KIF16B: variants seen among roughly 807,000 people sequenced by gnomAD.
KIF16B encodes the protein kinesin family member 16B.
KIF16B carries 98 observed loss-of-function variants against 156.3 expected under a neutral mutation model. That is an observed-to-expected ratio of 0.63 (90% CI 0.53 to 0.74). The LOEUF (loss-of-function observed/expected upper bound fraction) is 0.74, where lower values mean the gene tolerates loss of function less well. KIF16B is among the 30% of genes least tolerant of loss of function. The probability of loss-of-function intolerance (pLI) is 0.00; values close to 1 mark genes in which losing one functional copy is unlikely to be tolerated. For missense variants in KIF16B, 1,421 were observed against 1,606.5 expected, an observed-to-expected ratio of 0.88 and a Z score of 1.97; for synonymous variants, 564 against 583.7, an observed-to-expected ratio of 0.97 and a Z score of 0.49.
intron 21 of KIF16B, 30 bp from the exon 22 acceptor site, chr20:16,370,666 TA>T (rs758604969): frequency 1.3e-6 from 2 of 1,554,630 alleles, no homozygotes; most frequent in Admixed American, 4.1e-5. Flanking sequence ...CCCTCTATAT[TA>T]AATTATAGCA....
chr20:16,441,520 A>AAAAT (rs1371139063), intron 12 of KIF16B, among the ~76,000 whole-genome samples: 2 of 152,158 alleles, frequency 1.3e-5, no homozygotes, highest in African/African-American at 4.8e-5. Flanking sequence ...CTCCCGCTAG[A>AAAAT]CCAAGAAGCT....
At chr20:16,483,705 CCAA>C (rs1395120753) in intron 12 of KIF16B, among the ~76,000 whole-genome samples, 1 of 152,028 alleles carries the variant, frequency 6.6e-6, no homozygotes, top group East Asian at 1.9e-4. Flanking sequence ...TGAGTGGTGA[CCAA>C]CGTCAGAAAA....
intron 23 of KIF16B, among the ~76,000 whole-genome samples, chr20:16,347,021 C>T (rs1170626762): frequency 6.6e-6 from 1 of 152,098 alleles, no homozygotes; most frequent in African/African-American, 2.4e-5. Flanking sequence ...ACTTATTAGT[C>T]GTGTGATTTT....
intron 25 of KIF16B, among the ~76,000 whole-genome samples, chr20:16,297,677 CAG>C (rs1011003598): frequency 7.4e-6 from 1 of 135,280 alleles, no homozygotes; most frequent in Admixed American, 8.2e-5. Flanking sequence ...GCCTGGGCGA[CAG>C]AGTGAGACTC....
intron 15 of KIF16B, among the ~76,000 whole-genome samples, chr20:16,421,844 C>T (rs1297252025): frequency 6.6e-6 from 1 of 152,054 alleles, no homozygotes; most frequent in Admixed American, 6.6e-5. Context: ...AGCAGAATGC[C>T]AGAGGAACTC....
intron 12 of KIF16B, among the ~76,000 whole-genome samples, chr20:16,434,625 G>A (rs1324019074): frequency 6.6e-6 from 1 of 152,290 alleles, no homozygotes; most frequent in Non-Finnish European, 1.5e-5. Context: ...TAAGAATTGC[G>A]TGTCTTCACA....
intron 10 of KIF16B, among the ~76,000 whole-genome samples, chr20:16,502,344 C>T (rs1160283328): frequency 1.3e-5 from 2 of 152,252 alleles, no homozygotes; most frequent in East Asian, 1.9e-4. Flanking sequence ...CATTTAAGAA[C>T]ACCTGCTGTT....
chr20:16,456,432 C>T (rs555881056), intron 12 of KIF16B, among the ~76,000 whole-genome samples: 34 of 151,538 alleles, frequency 2.2e-4, no homozygotes, highest in Admixed American at 2.2e-3. Context: ...TTTTCTTATT[C>T]CAATTAAGAT....
Position 16,282,185 on chromosome 20 carries a change from C to T in KIF16B, c.3796-8774G>A, listed in dbSNP as rs774819480. Among the ~76,000 whole-genome samples, 6 of 152,094 alleles carry T rather than the reference C, an allele frequency of 3.9e-5. No homozygotes were observed. The East Asian group carries it at 9.8e-4, about 25-fold the overall frequency. On this transcript the variant is annotated intron_variant, in intron 25 of 25. Transcript: ENST00000354981. ...TAGCTGGGACTAAAGGCATGTGCCACCATGCCTGGCTAATTTTTGTATTTT... is the reference window on the plus strand; with the variant it reads ...TAGCTGGGACTAAAGGCATGTGCCATCATGCCTGGCTAATTTTTGTATTTT...
chr20:16,324,178 GT>G (rs2063810256), intron 24 of KIF16B, among the ~76,000 whole-genome samples: 1 of 152,008 alleles, frequency 6.6e-6, no homozygotes, highest in Non-Finnish European at 1.5e-5. Flanking sequence ...ACAGGAACCT[GT>G]CATTGTTATC....
intron 15 of KIF16B, among the ~76,000 whole-genome samples, chr20:16,419,237 A>T (rs2146363444): frequency 6.6e-6 from 1 of 152,270 alleles, no homozygotes; most frequent in South Asian, 2.1e-4. Context: ...GACAGATGTC[A>T]TATTTGCAGG....
chr20:16,558,848 G>A (rs2070949676), intron 1 of KIF16B, among the ~76,000 whole-genome samples: 1 of 136,082 alleles, frequency 7.3e-6, no homozygotes, highest in Non-Finnish European at 1.5e-5. Flanking sequence ...AGGCTGCAGT[G>A]AGCCCAGATC....
chr20:16,441,728 G>A (rs372910208), intron 12 of KIF16B, among the ~76,000 whole-genome samples: 36 of 152,156 alleles, frequency 2.4e-4, no homozygotes, highest in African/African-American at 8.4e-4. Flanking sequence ...GGTGCACTTT[G>A]AGAATGCTCA....
chr20:16,474,445 C>CT (rs2067752356), intron 12 of KIF16B, among the ~76,000 whole-genome samples: 1 of 152,214 alleles, frequency 6.6e-6, no homozygotes. Context: ...GGATAGCCTC[C>CT]TGCTTTCCCT....
intron 17 of KIF16B, chr20:16,382,154 A>G (rs749298365): frequency 7.6e-7 from 1 of 1,316,986 alleles, no homozygotes; most frequent in Non-Finnish European, 1.0e-6. Flanking sequence ...GGAGAGAGAG[A>G]GAGAAAGAGA....
intron 12 of KIF16B, among the ~76,000 whole-genome samples, chr20:16,446,345 CG>C (rs2066930637): frequency 6.6e-6 from 1 of 152,138 alleles, no homozygotes; most frequent in Admixed American, 6.5e-5. Flanking sequence ...AACACCAGAT[CG>C]GGGTTAGTTT....
chr20:16,416,233 T>C (rs566179840), intron 15 of KIF16B, among the ~76,000 whole-genome samples: 5 of 152,292 alleles, frequency 3.3e-5, no homozygotes, highest in African/African-American at 1.2e-4. Context: ...ACTTGTCAAT[T>C]TTTGCTTTTG....
At chr20:16,373,020 T>A (rs1016426622) in intron 20 of KIF16B, among the ~76,000 whole-genome samples, 25 of 152,208 alleles carry the variant, frequency 1.6e-4, no homozygotes, top group Admixed American at 6.5e-5. Context: ...TTAAATTAAA[T>A]GGTTTCCATG....
At chr20:16,398,056 G>A (rs1215755839) in intron 17 of KIF16B, among the ~76,000 whole-genome samples, 3 of 152,204 alleles carry the variant, frequency 2.0e-5, no homozygotes, top group Non-Finnish European at 4.4e-5. Context: ...TTTGGAAAGA[G>A]CTAAGATACA....
Sources: allele counts gnomAD v4.1 joint callset (sites outside exome capture counted in the v4.1 genomes callset), GRCh38; gene constraint gnomAD v4.1.1; transcripts MANE v1.5; gene names NCBI Gene and HGNC (gene_info 2026-07-23, HGNC 2026-07-21).